Variants in AGAP1 observed in about 807,000 individuals in gnomAD.
AGAP1 encodes arf-GAP with GTPase, ANK repeat and PH domain-containing protein 1.
In AGAP1, 29 loss-of-function variants were observed where a neutral mutation model predicts 105.3. The observed-to-expected ratio is 0.28, with a 90% CI of 0.21 to 0.38. The LOEUF (loss-of-function observed/expected upper bound fraction) is 0.38. Ranked by LOEUF, AGAP1 falls within the 10% of genes least tolerant of loss-of-function variation. AGAP1 has a pLI of 1.00. For missense variants in AGAP1, 998 were observed against 1,165.1 expected, an observed-to-expected ratio of 0.86 and a Z score of 2.09; for synonymous variants, 509 against 485.9, an observed-to-expected ratio of 1.05 and a Z score of -0.63.
At chr2:235,670,568 C>A in intron 1 of AGAP1, 1 of 504,136 alleles carries the variant, frequency 2.0e-6, no homozygotes. Context: ...GAGCTTCAGG[C>A]ACTGGAGCGG....
rs535906513 is a variant in AGAP1 at position 236,079,571 on chromosome 2, T to C, written c.2114+30290T>C. ...ATATATATACACACACACACACACA[T>C]ACATACACACACACATATACATATA... On this transcript the variant is annotated intron_variant, in intron 16 of 17. Coordinates refer to ENST00000304032, the MANE Select transcript of AGAP1 (RefSeq NM_001037131.3). 1.9e-3 allele frequency among the ~76,000 whole-genome samples: 273 copies of C among 147,196 alleles called. 1 individual carries two copies. The highest frequency in any genetic ancestry group is 6.5e-3 in the African/African-American group (257 of 39,306).
intron 3 of AGAP1, among the ~76,000 whole-genome samples, chr2:235,722,751 A>G (rs954466944): frequency 6.6e-6 from 1 of 152,042 alleles, no homozygotes; most frequent in Non-Finnish European, 1.5e-5. Flanking sequence ...ATACAATTCA[A>G]CCCACAGCAG....
intron 11 of AGAP1, among the ~76,000 whole-genome samples, chr2:235,912,198 A>G (rs2051650938): frequency 1.3e-5 from 2 of 152,230 alleles, no homozygotes; most frequent in African/African-American, 4.8e-5. Flanking sequence ...GTAAAGTGAT[A>G]CGTTCTTTCT....
intron 13 of AGAP1, among the ~76,000 whole-genome samples, chr2:236,008,237 C>T (rs578217376): frequency 1.0e-3 from 153 of 152,280 alleles, no homozygotes; most frequent in African/African-American, 3.5e-3. Context: ...AAGGCCTCGT[C>T]GGTTTCTGTT....
At position 236,036,579 on chromosome 2, in the gene AGAP1, A is replaced by G; in HGVS notation, c.1664A>G (p.Glu555Gly). 1 of 1,614,074 alleles carries G rather than the reference A, an allele frequency of 6.2e-7. No individual in the cohort carries two copies. Among genetic ancestry groups the G allele is most frequent in the East Asian group, 2.2e-5 (1 of 44,876 alleles). Residue 555 changes from glutamate to glycine, a missense_variant, in exon 14 of 18, where the codon GAG (glutamate) becomes GGG (glycine). Glu to Gly is a moderately conservative substitution (Grantham distance 98, BLOSUM62 -2). Around this residue, in one of 3 missense-constraint regions of AGAP1, gnomAD observed 735 missense variants for 833.4 expected, o/e 0.88. Transcript: ENST00000304032. This position sits in a 1 kb window ranked among gnomAD's most constrained non-coding sequence, Gnocchi z 5.7. ...GTTTCAGAACAAGAAGAAAATTTTG[A>G]GTTTATCATTGTGTCCCTCACTGGC... ...GTAEEQEENF[E>G]FIIVSLTGQT...
At position 235,879,590 on chromosome 2, in the gene AGAP1, T is replaced by C. The variant is rs1327787568; in HGVS notation, c.1051-3755T>C. 6.6e-6 allele frequency among the ~76,000 whole-genome samples: 1 copy of C among 152,102 alleles called. No homozygotes were observed. Among genetic ancestry groups the C allele is most frequent in the African/African-American group, 2.4e-5 (1 of 41,414 alleles). On this transcript the variant is annotated intron_variant, in intron 9 of 17. Transcript: ENST00000304032. This position sits in a 1 kb window ranked among gnomAD's most constrained non-coding sequence, Gnocchi z 5.0. Reference sequence around the variant, plus strand: ...TCCTAGGATCAAAAGAAAATCAGCGTAGGCCTGGCACAGTGGCTCACTCCC... The same window carrying C: ...TCCTAGGATCAAAAGAAAATCAGCGCAGGCCTGGCACAGTGGCTCACTCCC...
At chr2:235,827,083 G>A (rs934679386) in intron 9 of AGAP1, among the ~76,000 whole-genome samples, 2 of 152,206 alleles carry the variant, frequency 1.3e-5, no homozygotes, top group Non-Finnish European at 2.9e-5. Context: ...CGGCTTGTGC[G>A]TCTCCCCAGA....
Position 235,623,326 on chromosome 2 carries a change from G to A in AGAP1, c.164-85853G>A, listed in dbSNP as rs1387607530. 6.6e-6 allele frequency among the ~76,000 whole-genome samples: 1 copy of A among 152,206 alleles called. No homozygotes were observed. Among genetic ancestry groups the A allele is most frequent in the African/African-American group, 2.4e-5 (1 of 41,444 alleles). On this transcript the variant is annotated intron_variant, in intron 1 of 17. Transcript: ENST00000304032. This position sits in a 1 kb window ranked among gnomAD's most constrained non-coding sequence, Gnocchi z 4.5. ...ATCTGGGCGTTAGCCTACAAATCAA[G>A]ATTTGCTTTGCCTCGTTGTGTAAAT...
chr2:236,044,731 C>T lies in AGAP1; in HGVS notation c.1891+3890C>T, dbSNP rs563850314. On this transcript the variant is annotated intron_variant, in intron 15 of 17. Coordinates refer to ENST00000304032, the MANE Select transcript of AGAP1 (RefSeq NM_001037131.3). The surrounding 1 kb of genome is among the most constrained non-coding windows in gnomAD (Gnocchi z 5.7). ...CAACGTCGGGTCTCCTTCCCATTGT[C>T]GCCTCTTAGTCCTTCCCTGACCTCC... Among the ~76,000 whole-genome samples the T allele has an allele frequency of 1.3e-5, 2 of 151,778 alleles. No individual in the cohort carries two copies. The highest frequency in any genetic ancestry group is 2.4e-5 in the African/African-American group (1 of 41,252).
intron 1 of AGAP1, among the ~76,000 whole-genome samples, chr2:235,509,077 A>G (rs1941957699): frequency 6.6e-6 from 1 of 152,234 alleles, no homozygotes; most frequent in South Asian, 2.1e-4. Flanking sequence ...TGCTTGAACC[A>G]GATTTACCTA....
chr2:236,079,876 T>C (rs1303731967), intron 16 of AGAP1, among the ~76,000 whole-genome samples: 1 of 152,228 alleles, frequency 6.6e-6, no homozygotes, highest in East Asian at 1.9e-4. Context: ...GAACTTGTGT[T>C]GAGTTTGAGA....
rs1214131564 is a variant in AGAP1, at chr2:235,959,097, AG to A, written c.1484-9363del. Among the ~76,000 whole-genome samples the A allele has an allele frequency of 6.6e-6, 1 of 152,096 alleles. No homozygotes were observed. The highest frequency in any genetic ancestry group is 1.5e-5 in the Non-Finnish European group (1 of 68,022). ...GAGCCGGTTTAGATGTGGAGTAATG[AG>A]GCGCTCGCTTTTTTAATTTGGCATG... On this transcript the variant is annotated intron_variant, in intron 12 of 17. Transcript: ENST00000304032. This position sits in a 1 kb window ranked among gnomAD's most constrained non-coding sequence, Gnocchi z 7.3.
In AGAP1 at chr2:235,719,748, C is replaced by T. The variant is rs577887954; in HGVS notation, c.310+2104C>T. ...CCTTTTCTCATGCCCTGCAGCAGCC[C>T]TCCCTGGGCATGTGGCCTCTCACCT... is the stretch of plus-strand genomic sequence containing the variant. On this transcript the variant is annotated intron_variant, in intron 3 of 17. Coordinates refer to ENST00000304032, the MANE Select transcript of AGAP1 (RefSeq NM_001037131.3). This position sits in a 1 kb window ranked among gnomAD's most constrained non-coding sequence, Gnocchi z 4.9. Among the ~76,000 whole-genome samples, 6 of 152,294 alleles carry T rather than the reference C, an allele frequency of 3.9e-5. No homozygotes were observed. Among genetic ancestry groups the T allele is most frequent in the African/African-American group, 1.4e-4 (6 of 41,572 alleles).
At chr2:235,780,783 G>A (rs568448426) in intron 6 of AGAP1, among the ~76,000 whole-genome samples, 4 of 152,166 alleles carry the variant, frequency 2.6e-5, no homozygotes, top group Admixed American at 6.5e-5. Context: ...TAGTTCTCCC[G>A]CTGACAGTCT....
At chr2:235,999,428 G>A (rs1211215098) in intron 13 of AGAP1, among the ~76,000 whole-genome samples, 1 of 129,958 alleles carries the variant, frequency 7.7e-6, no homozygotes, top group African/African-American at 2.9e-5. Flanking sequence ...ATGATGGTGA[G>A]AGGTGGTGGT....
chr2:235,729,969 A>G lies in AGAP1; in HGVS notation c.311-10994A>G, dbSNP rs1055759548. Among the ~76,000 whole-genome samples, 2 of 152,136 alleles carry G rather than the reference A, an allele frequency of 1.3e-5. No homozygotes were observed. The highest frequency in any genetic ancestry group is 2.4e-5 in the African/African-American group (1 of 41,384). ...GTTCGCCAGCCCCCTACCCTACAGT[A>G]TGGAAAAAAGGCATAGAACAGTCAA... On this transcript the variant is annotated intron_variant, in intron 3 of 17. Coordinates refer to ENST00000304032, the MANE Select transcript of AGAP1 (RefSeq NM_001037131.3). The surrounding 1 kb of genome is among the most constrained non-coding windows in gnomAD (Gnocchi z 5.0).
Position 236,036,442 on chromosome 2 carries a change from G to A in AGAP1, c.1646-119G>A, listed in dbSNP as rs1489273576. On this transcript the variant is annotated intron_variant, in intron 13 of 17. Coordinates refer to ENST00000304032, the MANE Select transcript of AGAP1 (RefSeq NM_001037131.3). This position sits in a 1 kb window ranked among gnomAD's most constrained non-coding sequence, Gnocchi z 5.7. ...CGCCGCCGTGGTTGTCCAGTGCCGT[G>A]CGCCTCACCGGTCCATGCAGGGGCA... The A allele has an allele frequency of 2.2e-6, 3 of 1,339,852 alleles. No homozygotes were observed. The highest frequency in any genetic ancestry group is 3.1e-6 in the Non-Finnish European group (3 of 975,806). 83.0% of individuals were successfully genotyped at this position (1,339,852 alleles called of 1,614,324 possible).
At position 235,609,386 on chromosome 2, in the gene AGAP1, G is replaced by A. The variant is rs1477065204; in HGVS notation, c.164-99793G>A. Among the ~76,000 whole-genome samples the A allele has an allele frequency of 6.6e-6, 1 of 152,190 alleles. No individual in the cohort carries two copies. The highest frequency in any genetic ancestry group is 1.5e-5 in the Non-Finnish European group (1 of 68,044). ...GCAGGGAGAGCTTCAGAATGAGCGG[G>A]AAGCCTCCACAACAGGTGGAGAAAA... On this transcript the variant is annotated intron_variant, in intron 1 of 17. Transcript: ENST00000304032. The surrounding 1 kb of genome is among the most constrained non-coding windows in gnomAD (Gnocchi z 5.1).
In AGAP1 at chr2:235,931,069, G is replaced by A; in HGVS notation, c.1483+146G>A. 1.1e-6 allele frequency: 1 copy of A among 919,162 alleles called. No homozygotes were observed. Among genetic ancestry groups the A allele is most frequent in the South Asian group, 1.9e-5 (1 of 53,608 alleles). The allele number at this position is 919,162 out of a possible 1,614,324, so 56.9% of individuals were successfully genotyped here. On this transcript the variant is annotated intron_variant, in intron 12 of 17. Transcript: ENST00000304032. This position sits in a 1 kb window ranked among gnomAD's most constrained non-coding sequence, Gnocchi z 5.6. ...CGGCTGCATCAGAGACTCACATCTTGCCTTTCATCTGTGGAACGTTTTGTC... is the reference window on the plus strand; with the variant it reads ...CGGCTGCATCAGAGACTCACATCTTACCTTTCATCTGTGGAACGTTTTGTC...
Sources: gnomAD v4.1 joint callset for allele counts (sites outside exome capture counted in the v4.1 genomes callset) on GRCh38, gnomAD v4.1.1 for gene constraint, gnomAD v4.1.1 regional missense constraint, Gnocchi (gnomAD v3.1) non-coding constraint, MANE v1.5 for transcripts, NCBI Gene and HGNC (gene_info 2026-07-23, HGNC 2026-07-21) for gene names.